The following PEX11G variants were observed in gnomAD, a reference collection of about 807,000 sequenced individuals.
PEX11G encodes peroxisomal biogenesis factor 11 gamma.
PEX11G carries 20 observed loss-of-function variants against 22.5 expected under a neutral mutation model. The ratio of observed to expected loss-of-function variants is 0.89; its 90% confidence interval spans 0.62 to 1.29. The LOEUF (loss-of-function observed/expected upper bound fraction) is 1.29. Among genes scored for constraint, PEX11G ranks in the 50% most tolerant of loss-of-function variants. The pLI, the probability that PEX11G is intolerant of heterozygous loss-of-function variation, is 0.00. For missense variants in PEX11G, 347 were observed against 331.3 expected, an observed-to-expected ratio of 1.05 and a Z score of -0.37; for synonymous variants, 141 against 154.5, an observed-to-expected ratio of 0.91 and a Z score of 0.65.
intron 3 of PEX11G, among the ~76,000 whole-genome samples, chr19:7,480,716 CAGGGACA>C (rs1304631722): frequency 3.9e-5 from 6 of 152,068 alleles, no homozygotes; most frequent in Admixed American, 3.9e-4. Context: ...GAGCCTCGAC[CAGGGACA>C]AGCAAAGCTT....
At chr19:7,481,991 C>T in intron 3 of PEX11G, 42 bp downstream of exon 3, 11 of 1,503,744 alleles carry the variant, frequency 7.3e-6, no homozygotes, top group Non-Finnish European at 9.8e-6. Flanking sequence ...GGAGGCACCG[C>T]CCAGGGACCT....
intron 1 of PEX11G, among the ~76,000 whole-genome samples, chr19:7,486,232 T>C (rs1490488066): frequency 6.6e-6 from 1 of 152,052 alleles, no homozygotes; most frequent in Non-Finnish European, 1.5e-5. Flanking sequence ...GTTCAAGCAA[T>C]TCTTGTGCCT....
At chr19:7,485,756 A>T in intron 2 of PEX11G, 82 bp downstream of exon 2, 1 of 1,308,348 alleles carries the variant, frequency 7.6e-7, no homozygotes, top group Non-Finnish European at 1.1e-6. Flanking sequence ...AGCATGAGCC[A>T]CTGTGAGGGG....
chr19:7,488,719 T>C (rs1000371412), intron 1 of PEX11G, among the ~76,000 whole-genome samples: 8 of 152,224 alleles, frequency 5.3e-5, no homozygotes. Context: ...GGAGAATCGC[T>C]TGAACCCGGG....
At chr19:7,487,052 AG>A (rs374186003) in intron 1 of PEX11G, among the ~76,000 whole-genome samples, 20 of 150,846 alleles carry the variant, frequency 1.3e-4, no homozygotes, top group Non-Finnish European at 1.5e-4. Flanking sequence ...GTCTAAAAAA[AG>A]AAAAAGAAAA....
intron 1 of PEX11G, among the ~76,000 whole-genome samples, chr19:7,494,385 T>C (rs768380912): frequency 5.3e-5 from 8 of 151,708 alleles, no homozygotes; most frequent in Non-Finnish European, 8.8e-5. Context: ...GCAAGACCCA[T>C]CTCTAAAAAA....
At position 7,477,339 on chromosome 19, in the gene PEX11G, G is replaced by A; in HGVS notation, c.589C>T (p.His197Tyr). ...CACAGCACGCCCCGGGGCAGCCAGT[G>A]CACGGCGTTGGCCAGGTCGGCCAGG... ...SNLADLANAV[H>Y]WLPRGVLWAG... Residue 197 changes from histidine to tyrosine, a missense_variant, in exon 5 of 5, where the codon CAC (histidine) becomes TAC (tyrosine). By Grantham distance (83) the His-to-Tyr change is moderately conservative. Transcript: ENST00000221480. 6.4e-7 allele frequency: 1 copy of A among 1,560,062 alleles called. No homozygotes were observed. Among genetic ancestry groups the A allele is most frequent in the Non-Finnish European group, 8.7e-7 (1 of 1,154,220 alleles).
At chr19:7,486,756 A>C (rs1306128896) in intron 1 of PEX11G, among the ~76,000 whole-genome samples, 1 of 151,972 alleles carries the variant, frequency 6.6e-6, no homozygotes, top group Non-Finnish European at 1.5e-5. Flanking sequence ...CCCGCCACCA[A>C]GCCCACCTAA....
chr19:7,490,407 G>A (rs963528525), upstream of PEX11G, among the ~76,000 whole-genome samples: 4 of 151,184 alleles, frequency 2.6e-5, no homozygotes, highest in African/African-American at 7.3e-5. Context: ...TGCAAGCTCC[G>A]CCTCGCGGGT....
chr19:7,480,073 G>C (rs564699994), intron 3 of PEX11G, among the ~76,000 whole-genome samples: 25 of 152,184 alleles, frequency 1.6e-4, no homozygotes, highest in African/African-American at 5.8e-4. Flanking sequence ...AGACCAGTCT[G>C]GGCAACATGG....
At chr19:7,491,359 T>C (rs1312242271), upstream of PEX11G, among the ~76,000 whole-genome samples, 1 of 137,868 alleles carries the variant, frequency 7.3e-6, no homozygotes, top group Non-Finnish European at 1.5e-5. Context: ...AGCCTCCGCC[T>C]CCCAAGTTCA....
upstream of PEX11G, among the ~76,000 whole-genome samples, chr19:7,493,717 G>A (rs1599229684): frequency 4.6e-5 from 7 of 151,952 alleles, no homozygotes; most frequent in South Asian, 1.5e-3. Context: ...TAAGACTTGG[G>A]TCCACTGGCT....
At chr19:7,483,577 C>CCAG (rs1977607420) in intron 2 of PEX11G, among the ~76,000 whole-genome samples, 1 of 152,204 alleles carries the variant, frequency 6.6e-6, no homozygotes, top group East Asian at 1.9e-4. Flanking sequence ...CGAGGGGTCT[C>CCAG]AGGGATGCAC....
upstream of PEX11G, among the ~76,000 whole-genome samples, chr19:7,490,680 G>T (rs2021869585): frequency 8.2e-6 from 1 of 122,560 alleles, no homozygotes; most frequent in African/African-American, 3.1e-5. Flanking sequence ...TTTGAGACAG[G>T]GCCTCGCTCT....
At chr19:7,494,230 G>A (rs539191844) in intron 1 of PEX11G, among the ~76,000 whole-genome samples, 45 of 152,184 alleles carry the variant, frequency 3.0e-4, no homozygotes, top group African/African-American at 9.6e-4. Flanking sequence ...TTTCACAGCA[G>A]AAAAATTGAA....
At chr19:7,494,256 G>A (rs984434639) in intron 1 of PEX11G, among the ~76,000 whole-genome samples, 1 of 152,174 alleles carries the variant, frequency 6.6e-6, no homozygotes, top group African/African-American at 2.4e-5. Context: ...GCCAGCTGCA[G>A]TGGCCTGTGC....
At chr19:7,489,078 G>A (rs1028766958), upstream of PEX11G, 10 of 1,423,788 alleles carry the variant, frequency 7.0e-6, no homozygotes, top group Admixed American at 6.0e-5. Context: ...CCGGGGTACC[G>A]GGAGCGCCCC....
intron 3 of PEX11G, 118 bp downstream of exon 3, chr19:7,481,915 T>C (rs1977503323): frequency 9.6e-7 from 1 of 1,037,666 alleles, no homozygotes; most frequent in Non-Finnish European, 1.3e-6. Flanking sequence ...AGGAAAACTC[T>C]AAGAGGCAAA....
intron 2 of PEX11G, among the ~76,000 whole-genome samples, chr19:7,484,997 G>A (rs1599218600): frequency 6.6e-6 from 1 of 152,190 alleles, no homozygotes; most frequent in East Asian, 1.9e-4. Context: ...GAGCACTTTG[G>A]GACAAGACTA....
Sources: allele counts gnomAD v4.1 joint callset (sites outside exome capture counted in the v4.1 genomes callset), GRCh38; gene constraint gnomAD v4.1.1; transcripts MANE v1.5; gene names NCBI Gene and HGNC (gene_info 2026-07-23, HGNC 2026-07-21).